KCNA6: variants seen among roughly 807,000 people sequenced by gnomAD.
KCNA6 encodes human brain potassium channel-2.
In KCNA6, 17 loss-of-function variants were observed where a neutral mutation model predicts 29.5. That is an observed-to-expected ratio of 0.58 (90% CI 0.39 to 0.86). The LOEUF is 0.86. Ranked by LOEUF, KCNA6 falls within the 40% of genes least tolerant of loss-of-function variation. KCNA6 has a pLI of 0.00. For missense variants in KCNA6, 450 were observed against 703.4 expected (o/e 0.64, Z 4.07); for synonymous variants, 296 against 304.7 (o/e 0.97, Z 0.30).
exon 1 of KCNA6, chr12:4,813,135 T>A (rs57252461): frequency 0.022 from 3,749 of 166,808 alleles, 121 homozygotes; most frequent in African/African-American, 0.08. Flanking sequence ...ATTTTTTTTT[T>A]AAAAATTATT....
the KCNA6 span, among the ~76,000 whole-genome samples, chr12:4,821,114 G>A: frequency 3.3e-5 from 5 of 152,184 alleles, no homozygotes; most frequent in South Asian, 2.1e-4. Flanking sequence ...TAGAGAAAGA[G>A]AAGTGACTGT....
At chr12:4,829,815 T>C in the KCNA6 span, among the ~76,000 whole-genome samples, 2 of 152,238 alleles carry the variant, frequency 1.3e-5, no homozygotes, top group East Asian at 3.8e-4. Flanking sequence ...CTTCACATTT[T>C]ACAACTCTCT....
chr12:4,835,644 G>T, the KCNA6 span, among the ~76,000 whole-genome samples: 1 of 151,996 alleles, frequency 6.6e-6, no homozygotes, highest in Non-Finnish European at 1.5e-5. Context: ...TGGGACAACA[G>T]TCAACCTCCA....
the KCNA6 span, among the ~76,000 whole-genome samples, chr12:4,845,202 C>A: frequency 6.6e-6 from 1 of 152,168 alleles, no homozygotes; most frequent in Admixed American, 6.5e-5. Context: ...CTGGATGGGA[C>A]AAACCCTTCA....
chr12:4,817,745 T>C (rs1323274726), downstream of KCNA6, among the ~76,000 whole-genome samples: 2 of 152,172 alleles, frequency 1.3e-5, no homozygotes, highest in Non-Finnish European at 2.9e-5. Flanking sequence ...TGGGATTTAT[T>C]ACAATTTTTT....
the KCNA6 span, among the ~76,000 whole-genome samples, chr12:4,823,037 C>G: frequency 4.6e-5 from 7 of 152,282 alleles, no homozygotes; most frequent in Admixed American, 2.0e-4. Context: ...TATATGTACC[C>G]TTTCCAGGAG....
At chr12:4,818,939 C>T in the KCNA6 span, among the ~76,000 whole-genome samples, 1 of 151,902 alleles carries the variant, frequency 6.6e-6, no homozygotes, top group East Asian at 1.9e-4. Context: ...TACACAAAAA[C>T]ACACACATAC....
the KCNA6 span, among the ~76,000 whole-genome samples, chr12:4,849,591 G>A: frequency 1.2e-4 from 17 of 145,712 alleles, no homozygotes; most frequent in African/African-American, 4.3e-4. Context: ...TGAGTCTGAC[G>A]CCAGACAGTC....
chr12:4,848,659 C>G, the KCNA6 span, among the ~76,000 whole-genome samples: 3 of 151,978 alleles, frequency 2.0e-5, no homozygotes, highest in Admixed American at 1.3e-4. Context: ...TTCGGCCTGC[C>G]GAGTAGCTGG....
the KCNA6 span, among the ~76,000 whole-genome samples, chr12:4,833,521 T>C: frequency 1.3e-5 from 2 of 152,218 alleles, no homozygotes; most frequent in East Asian, 3.8e-4. Flanking sequence ...ACTCTGCCTC[T>C]TCGTGGGAGG....
chr12:4,827,751 G>A, the KCNA6 span, among the ~76,000 whole-genome samples: 4 of 152,146 alleles, frequency 2.6e-5, no homozygotes, highest in Admixed American at 6.5e-5. Flanking sequence ...GGAAGCTTCC[G>A]AGCTGGGGCT....
At chr12:4,849,740 C>G in the KCNA6 span, among the ~76,000 whole-genome samples, 2 of 152,206 alleles carry the variant, frequency 1.3e-5, no homozygotes, top group East Asian at 3.8e-4. Flanking sequence ...AATATGAAGT[C>G]TTTTCCTTCT....
chr12:4,810,157 G>C lies in KCNA6; in HGVS notation c.116G>C (p.Ser39Thr). Residue 39 changes from serine to threonine, a missense_variant, in exon 1 of 1, where the codon AGT becomes ACT. By Grantham distance (58) the Ser-to-Thr change is moderately conservative (BLOSUM62 1). This residue lies in a region of KCNA6 where 72 missense variants were observed against 64.2 expected (regional missense o/e 1.12). Coordinates refer to ENST00000280684, the Ensembl canonical transcript of KCNA6. The surrounding 1 kb of genome is among the most constrained non-coding windows in gnomAD (Gnocchi z 7.5). ...GCCGGCGGGGGCGGGGGCTGCTGTA[G>C]TAGCGAGCGGCTGGTGATCAATATC... The C allele has an allele frequency of 2.5e-6, 4 of 1,609,354 alleles. No homozygotes were observed. Among genetic ancestry groups the C allele is most frequent in the African/African-American group, 1.3e-5 (1 of 75,026 alleles).
the KCNA6 span, among the ~76,000 whole-genome samples, chr12:4,845,425 G>T: frequency 2.4e-4 from 37 of 152,150 alleles, no homozygotes; most frequent in African/African-American, 8.9e-4. Flanking sequence ...TGCTTTGTAC[G>T]TGAACTTCTG....
exon 1 of KCNA6, chr12:4,812,419 A>G (rs1461395600): frequency 6.0e-6 from 1 of 167,130 alleles, no homozygotes; most frequent in African/African-American, 2.4e-5. Context: ...TCTTTGTGCA[A>G]GTGCCTTCCT....
the KCNA6 span, among the ~76,000 whole-genome samples, chr12:4,835,169 C>A: frequency 1.4e-5 from 2 of 144,552 alleles, no homozygotes. Context: ...GAGTCTTGCT[C>A]TGTCGCCCAG....
the KCNA6 span, among the ~76,000 whole-genome samples, chr12:4,835,133 GATTT>G: frequency 7.9e-6 from 1 of 126,660 alleles, no homozygotes; most frequent in South Asian, 2.6e-4. Context: ...AACAGAGAAT[GATTT>G]TTTTTTTTTT....
chr12:4,835,621 G>C, the KCNA6 span, among the ~76,000 whole-genome samples: 1 of 152,050 alleles, frequency 6.6e-6, no homozygotes, highest in Non-Finnish European at 1.5e-5. Flanking sequence ...TCTCCCACCA[G>C]GAGACTTCCT....
At chr12:4,832,267 C>A in the KCNA6 span, among the ~76,000 whole-genome samples, 1 of 152,040 alleles carries the variant, frequency 6.6e-6, no homozygotes, top group South Asian at 2.1e-4. Flanking sequence ...AAAACAAGTA[C>A]CTCTCTATTA....
Sources: allele counts gnomAD v4.1 joint callset (sites outside exome capture counted in the v4.1 genomes callset), GRCh38; gene constraint gnomAD v4.1.1; regional missense constraint gnomAD v4.1.1; non-coding constraint Gnocchi (gnomAD v3.1); transcripts MANE v1.5; gene names NCBI Gene and HGNC (gene_info 2026-07-23, HGNC 2026-07-21).